Variants in ABHD12 observed in about 807,000 individuals in gnomAD.
ABHD12 encodes the protein lysophosphatidylserine lipase ABHD12.
In ABHD12, 43 loss-of-function variants were observed where a neutral mutation model predicts 58.3. The ratio of observed to expected loss-of-function variants is 0.74; its 90% CI spans 0.58 to 0.95. ABHD12 has a LOEUF of 0.95. ABHD12 is among the 40% of genes least tolerant of loss of function. The pLI is 0.00. For synonymous variants in ABHD12, 219 were observed against 211.2 expected (o/e 1.04, Z -0.32); for missense variants, 539 against 537.2 (o/e 1.00, Z -0.03).
rs61061019 is a variant in ABHD12 at position 25,350,959 on chromosome 20, T to TCACACACA, written c.192-11616_192-11609dup. On this transcript the variant is annotated intron_variant, in intron 1 of 12. Coordinates refer to ENST00000339157, the MANE Select transcript of ABHD12 (RefSeq NM_001042472.3). ...CAGAGGCTTCCATCCTACGAATCCTTCACACACACACACACACACACACAC... is the reference window on the plus strand; with the variant it reads ...CAGAGGCTTCCATCCTACGAATCCTTCACACACACACACACACACACACACACACACAC... Among the ~76,000 whole-genome samples the TCACACACA allele has an allele frequency of 1.1e-3, 153 of 142,298 alleles. 1 individual carries two copies. Among genetic ancestry groups the TCACACACA allele is most frequent in the East Asian group, 4.0e-3 (17 of 4,248 alleles). The allele number at this position is 142,298 out of a possible 152,430, so 93.4% of individuals were successfully genotyped here. A position where few individuals can be genotyped will look rare whatever the true frequency, so the allele number is the denominator to read the frequency against.
chr20:25,382,819 G>A (rs1453685496), intron 1 of ABHD12, among the ~76,000 whole-genome samples: 1 of 152,186 alleles, frequency 6.6e-6, no homozygotes, highest in Non-Finnish European at 1.5e-5. Context: ...ACAGGATGCA[G>A]AGTCCTAATA....
At chr20:25,296,294 A>G (rs923035673), downstream of ABHD12, 76 of 1,560,088 alleles carry the variant, frequency 4.9e-5, no homozygotes, top group South Asian at 7.2e-4. Flanking sequence ...AACAGTCCTA[A>G]AGTTCTGGAA....
chr20:25,330,869 A>C (rs2146005041), intron 2 of ABHD12, among the ~76,000 whole-genome samples: 1 of 152,324 alleles, frequency 6.6e-6, no homozygotes, highest in East Asian at 1.9e-4. Context: ...GGGGAAAAAA[A>C]AGAGCAGAAA....
intron 12 of ABHD12, among the ~76,000 whole-genome samples, chr20:25,301,205 A>G (rs1235072449): frequency 1.3e-5 from 2 of 152,234 alleles, no homozygotes; most frequent in African/African-American, 4.8e-5. Flanking sequence ...ACCGCAAAGC[A>G]AACCCATACT....
At chr20:25,296,826 T>C, downstream of ABHD12, 1 of 390,334 alleles carries the variant, frequency 2.6e-6, no homozygotes, top group South Asian at 3.0e-5. Context: ...CCTGCTGGGC[T>C]CCCCCAGAAC....
intron 11 of ABHD12, 83 bp from the exon 12 acceptor site, chr20:25,302,429 C>A: frequency 6.4e-7 from 1 of 1,572,164 alleles, no homozygotes. Context: ...GCAGCCTCCC[C>A]TTCAATAGAA....
rs745611395 is a variant in ABHD12, at chr20:25,362,736, G to A, written c.192-23385C>T. 2.5e-4 allele frequency among the ~76,000 whole-genome samples: 38 copies of A among 151,388 alleles called. 1 individual carries two copies. The highest frequency in any genetic ancestry group is 5.9e-5 in the Non-Finnish European group (4 of 67,876). The stretch of plus-strand genomic sequence containing the variant: ...GTTGCCCAGGCTAGAGTGCAATGGC[G>A]CGATCTTGGCTCACCACAACTTCCA... On this transcript the variant is annotated intron_variant, in intron 1 of 12. Coordinates refer to ENST00000339157, the MANE Select transcript of ABHD12 (RefSeq NM_001042472.3).
intron 1 of ABHD12, among the ~76,000 whole-genome samples, chr20:25,339,953 A>G (rs1406375087): frequency 6.6e-6 from 1 of 152,242 alleles, no homozygotes; most frequent in Admixed American, 6.5e-5. Context: ...CCAGGTCGCC[A>G]GCCCAGGGTC....
intron 1 of ABHD12, among the ~76,000 whole-genome samples, chr20:25,369,993 A>G (rs2089879394): frequency 6.6e-6 from 1 of 151,442 alleles, no homozygotes; most frequent in Non-Finnish European, 1.5e-5. Flanking sequence ...TTTTAGATAT[A>G]AGTGGGTCCT....
At chr20:25,368,250 T>C in intron 1 of ABHD12, 1 of 1,490,742 alleles carries the variant, frequency 6.7e-7, no homozygotes. Context: ...GTCTGGTGGT[T>C]AAGATAAAAC....
chr20:25,318,491 G>A (rs2089004179), intron 4 of ABHD12, among the ~76,000 whole-genome samples: 1 of 152,258 alleles, frequency 6.6e-6, no homozygotes. Flanking sequence ...AGGGGGACCC[G>A]GGTGGTGGAT....
intron 8 of ABHD12, 107 bp from the exon 9 acceptor site, chr20:25,308,152 C>T (rs1313822590): frequency 4.7e-6 from 4 of 847,446 alleles, no homozygotes; most frequent in East Asian, 4.8e-5. Context: ...ACCACAGCGC[C>T]TCCCACCAGG....
At position 25,302,208 on chromosome 20, in the gene ABHD12, G is replaced by C; in HGVS notation, c.1157+11C>G. On this transcript the variant is annotated intron_variant, in intron 12 of 12. Transcript: ENST00000339157. ...CAGACGAAGCCCCTGGGTGGGAAGAGAATGTCTCACCTCAGTATCCGTGGC... is the reference window on the plus strand; with the variant it reads ...CAGACGAAGCCCCTGGGTGGGAAGACAATGTCTCACCTCAGTATCCGTGGC... 1 of 1,612,870 alleles carries C rather than the reference G, an allele frequency of 6.2e-7. No individual in the cohort carries two copies. Among genetic ancestry groups the C allele is most frequent in the Non-Finnish European group, 8.5e-7 (1 of 1,179,888 alleles).
chr20:25,373,222 GACATTACT>G (rs754457233), intron 1 of ABHD12, among the ~76,000 whole-genome samples: 205 of 152,294 alleles, frequency 1.3e-3, no homozygotes, highest in Non-Finnish European at 2.5e-3. Context: ...TATATTGAGT[GACATTACT>G]ACATGGCATG....
chr20:25,342,372 G>T (rs146276389), intron 1 of ABHD12, among the ~76,000 whole-genome samples: 27 of 152,052 alleles, frequency 1.8e-4, no homozygotes, highest in African/African-American at 6.3e-4. Context: ...TCACCCAAAA[G>T]GTATCTCTAT....
At chr20:25,371,068 C>T (rs1405134445) in intron 1 of ABHD12, among the ~76,000 whole-genome samples, 3 of 152,076 alleles carry the variant, frequency 2.0e-5, no homozygotes, top group Admixed American at 2.0e-4. Flanking sequence ...TGCAACTTAC[C>T]AGAAGCTATT....
intron 2 of ABHD12, among the ~76,000 whole-genome samples, chr20:25,328,301 G>C (rs1478733791): frequency 1.3e-5 from 2 of 152,172 alleles, no homozygotes; most frequent in Non-Finnish European, 2.9e-5. Flanking sequence ...CACTTTGGGA[G>C]CCTGAGAGCT....
intron 1 of ABHD12, chr20:25,368,835 A>T (rs1042574419): frequency 3.6e-5 from 19 of 525,100 alleles, no homozygotes; most frequent in Non-Finnish European, 6.4e-5. Flanking sequence ...AAAAATTATT[A>T]GCCATCCTCA....
chr20:25,309,304 TG>T, intron 7 of ABHD12, 141 bp downstream of exon 7: 1 of 1,250,686 alleles, frequency 8.0e-7, no homozygotes, highest in South Asian at 1.3e-5. Flanking sequence ...CTCCTGCCTC[TG>T]CCATGGGGAT....
Sources: gnomAD v4.1 joint callset for allele counts (sites outside exome capture counted in the v4.1 genomes callset) on GRCh38, gnomAD v4.1.1 for gene constraint, MANE v1.5 for transcripts, NCBI Gene and HGNC (gene_info 2026-07-23, HGNC 2026-07-21) for gene names.